PPP2CB: variants seen among roughly 807,000 people sequenced by gnomAD.
PPP2CB encodes serine/threonine-protein phosphatase 2A catalytic subunit beta isoform.
In PPP2CB, 18 loss-of-function variants were observed where a neutral mutation model predicts 39.1. The ratio of observed to expected loss-of-function variants is 0.46; its 90% CI spans 0.32 to 0.68. The LOEUF is 0.68. PPP2CB is among the 30% of genes least tolerant of loss of function. The probability of loss-of-function intolerance (pLI) is 0.04; values close to 1 mark genes in which losing one functional copy is unlikely to be tolerated. For missense variants in PPP2CB, 226 were observed against 396.9 expected, an observed-to-expected ratio of 0.57 and a Z score of 3.66; for synonymous variants, 129 against 133.8, an observed-to-expected ratio of 0.96 and a Z score of 0.25.
chr8:30,811,175 C>G (rs766608570), intron 1 of PPP2CB, among the ~76,000 whole-genome samples: 26 of 152,148 alleles, frequency 1.7e-4, no homozygotes, highest in Admixed American at 3.9e-4. Flanking sequence ...AGATCACACA[C>G]TCACGATGTA....
At chr8:30,807,911 C>T (rs1416992266) in intron 1 of PPP2CB, among the ~76,000 whole-genome samples, 1 of 152,180 alleles carries the variant, frequency 6.6e-6, no homozygotes, top group African/African-American at 2.4e-5. Flanking sequence ...AGAAGACATG[C>T]CTTGCTATTT....
intron 1 of PPP2CB, among the ~76,000 whole-genome samples, chr8:30,800,378 T>C (rs912856728): frequency 6.6e-5 from 10 of 152,196 alleles, no homozygotes; most frequent in African/African-American, 2.4e-4. Flanking sequence ...AAAAGAATAA[T>C]CTTATTATTC....
intron 1 of PPP2CB, among the ~76,000 whole-genome samples, chr8:30,805,445 A>T (rs1367947372): frequency 1.3e-5 from 2 of 152,150 alleles, no homozygotes; most frequent in Non-Finnish European, 2.9e-5. Context: ...CTGTAGTCCC[A>T]GCTACTCGGG....
rs1806847600 is a variant in PPP2CB, at chr8:30,812,239, G to T, written c.102+81C>A. 4 of 1,093,586 alleles carry T rather than the reference G, an allele frequency of 3.7e-6. No individual in the cohort carries two copies. In the African/African-American group the frequency reaches 6.5e-5, roughly 18 times the overall value. The allele number at this position is 1,093,586 out of a possible 1,614,324, so 67.7% of individuals were successfully genotyped here. A position where few individuals can be genotyped will look rare whatever the true frequency, so the allele number is the denominator to read the frequency against. The stretch of plus-strand genomic sequence containing the variant: ...CCCGGTGGGCCGCGCCGGGCCAGGG[G>T]CGGACGGGACCGGGGCGGGCAGGAA... On this transcript the variant is annotated intron_variant, in intron 1 of 6. Coordinates refer to ENST00000221138, the MANE Select transcript of PPP2CB (RefSeq NM_001009552.2).
At chr8:30,806,201 C>A (rs1806722802) in intron 1 of PPP2CB, among the ~76,000 whole-genome samples, 1 of 151,746 alleles carries the variant, frequency 6.6e-6, no homozygotes, top group African/African-American at 2.4e-5. Context: ...GCGCCTGCCA[C>A]CACGCCTGGC....
intron 1 of PPP2CB, among the ~76,000 whole-genome samples, chr8:30,800,480 C>T (rs1806602586): frequency 6.6e-6 from 1 of 152,180 alleles, no homozygotes; most frequent in Non-Finnish European, 1.5e-5. Context: ...ATAGGCCAAC[C>T]TTGAATTTCT....
intron 1 of PPP2CB, among the ~76,000 whole-genome samples, chr8:30,804,025 G>A (rs182483581): frequency 1.3e-5 from 2 of 152,198 alleles, no homozygotes; most frequent in Admixed American, 6.5e-5. Flanking sequence ...GTTTCACCAC[G>A]TTGGCCAGAC....
At chr8:30,790,038 C>A (rs1246777839) in intron 6 of PPP2CB, among the ~76,000 whole-genome samples, 1 of 152,120 alleles carries the variant, frequency 6.6e-6, no homozygotes, top group East Asian at 1.9e-4. Flanking sequence ...TTACTAAAAT[C>A]CCATTCGAAT....
rs571437216 is a variant in PPP2CB, at chr8:30,789,240, G to A, written c.857+1957C>T. Among the ~76,000 whole-genome samples, 3 of 152,200 alleles carry A rather than the reference G, an allele frequency of 2.0e-5. No homozygotes were observed. In the East Asian group the frequency reaches 5.8e-4, roughly 29 times the overall value. ...AGACTGGGTTTCTCCATGTTGGTCA[G>A]GCTGGTCTTGAACTCCCGACCTCAG... On this transcript the variant is annotated intron_variant, in intron 6 of 6. Coordinates refer to ENST00000221138, the MANE Select transcript of PPP2CB (RefSeq NM_001009552.2).
chr8:30,790,096 A>G (rs1023897902), intron 6 of PPP2CB, among the ~76,000 whole-genome samples: 10 of 152,128 alleles, frequency 6.6e-5, no homozygotes, highest in Admixed American at 5.2e-4. Flanking sequence ...TTTAATAATT[A>G]TATCTGTAAA....
intron 6 of PPP2CB, chr8:30,786,574 A>T (rs1806345349): frequency 9.3e-6 from 2 of 215,864 alleles, no homozygotes; most frequent in Non-Finnish European, 1.8e-5. Flanking sequence ...ATTATTTAAA[A>T]GCTTAAATAA....
intron 6 of PPP2CB, 196 bp downstream of exon 6, chr8:30,791,001 G>A (rs1806419521): frequency 2.1e-6 from 1 of 476,592 alleles, no homozygotes; most frequent in Non-Finnish European, 3.7e-6. Flanking sequence ...TCCACCTGCT[G>A]TATGCCCTTA....
intron 1 of PPP2CB, among the ~76,000 whole-genome samples, chr8:30,801,105 A>AGGGTG (rs1220536533): frequency 4.5e-5 from 3 of 66,080 alleles, no homozygotes; most frequent in Non-Finnish European, 8.6e-5. Context: ...GCTACTTAGG[A>AGGGTG]GGGTGGGGTG....
chr8:30,808,128 T>A (rs920683940), intron 1 of PPP2CB, among the ~76,000 whole-genome samples: 5 of 151,886 alleles, frequency 3.3e-5, no homozygotes, highest in African/African-American at 9.7e-5. Context: ...GGAGACAGAG[T>A]CTCACTCTGT....
chr8:30,803,219 T>C (rs1806655763), intron 1 of PPP2CB, among the ~76,000 whole-genome samples: 1 of 152,154 alleles, frequency 6.6e-6, no homozygotes, highest in Non-Finnish European at 1.5e-5. Context: ...CTTAATCTTC[T>C]TGACAAATAC....
At chr8:30,791,564 T>C in intron 5 of PPP2CB, 2 of 304,964 alleles carry the variant, frequency 6.6e-6, no homozygotes, top group Non-Finnish European at 1.2e-5. Context: ...CTTGAAATCT[T>C]GGCAAGGATG....
intron 4 of PPP2CB, 34 bp from the exon 5 acceptor site, chr8:30,794,112 A>T: frequency 6.2e-7 from 1 of 1,603,186 alleles, no homozygotes; most frequent in Non-Finnish European, 8.5e-7. Flanking sequence ...GTTACAAATT[A>T]TTATCAGTCA....
chr8:30,799,125 G>A (rs373336201), intron 2 of PPP2CB, among the ~76,000 whole-genome samples: 5 of 152,154 alleles, frequency 3.3e-5, no homozygotes, highest in East Asian at 3.9e-4. Context: ...ATCGGCCAGC[G>A]TATGCCAGGT....
At chr8:30,791,888 A>G (rs1268441198) in intron 5 of PPP2CB, among the ~76,000 whole-genome samples, 1 of 151,304 alleles carries the variant, frequency 6.6e-6, no homozygotes, top group Non-Finnish European at 1.5e-5. Context: ...GCATATATGT[A>G]TACATGTGTA....
Sources: allele counts gnomAD v4.1 joint callset (sites outside exome capture counted in the v4.1 genomes callset), GRCh38; gene constraint gnomAD v4.1.1; transcripts MANE v1.5; gene names NCBI Gene and HGNC (gene_info 2026-07-23, HGNC 2026-07-21).